Variants in CNRIP1 observed in about 807,000 individuals in gnomAD.
CNRIP1 encodes cannabinoid receptor interacting protein 1.
Under a neutral mutation model 15.2 loss-of-function variants are expected in CNRIP1, and 10 were observed. That is an observed-to-expected ratio of 0.66 (90% CI 0.41 to 1.12). CNRIP1 has a LOEUF of 1.12. CNRIP1 is among the 50% of genes most tolerant of loss of function. CNRIP1 has a pLI of 0.00. For synonymous variants in CNRIP1, 91 were observed against 83.2 expected, an observed-to-expected ratio of 1.09 and a Z score of -0.51; for missense variants, 211 against 214.7, an observed-to-expected ratio of 0.98 and a Z score of 0.11.
At position 68,317,142 on chromosome 2, in the gene CNRIP1, G is replaced by A. The variant is rs754890656; in HGVS notation, c.330+15C>T. 4.8e-5 allele frequency: 78 copies of A among 1,613,880 alleles called. No homozygotes were observed. The highest frequency in any genetic ancestry group is 5.3e-5 in the Non-Finnish European group (62 of 1,179,952). ...TCCATGGCACCATACTCCTATACCC[G>A]CAAGCAAGCCTTACCGGCATGGTGA... is the stretch of plus-strand genomic sequence containing the variant. On this transcript the variant is annotated intron_variant, in intron 2 of 2. Coordinates refer to ENST00000263655, the MANE Select transcript of CNRIP1 (RefSeq NM_015463.3).
chr2:68,290,932 A>C (rs1260696122), downstream of CNRIP1, among the ~76,000 whole-genome samples: 1 of 152,178 alleles, frequency 6.6e-6, no homozygotes, highest in Non-Finnish European at 1.5e-5. Flanking sequence ...CTAGTTCCTC[A>C]AGCTTCTGGG....
chr2:68,296,751 C>T (rs887762823), intron 2 of CNRIP1, among the ~76,000 whole-genome samples: 1 of 152,138 alleles, frequency 6.6e-6, no homozygotes, highest in Non-Finnish European at 1.5e-5. Context: ...AATTCTCCTG[C>T]CTCAGCCTCC....
At chr2:68,290,056 G>A (rs1671125469), downstream of CNRIP1, among the ~76,000 whole-genome samples, 1 of 127,394 alleles carries the variant, frequency 7.8e-6, no homozygotes, top group Non-Finnish European at 1.6e-5. Flanking sequence ...TTGAGAAGGA[G>A]TCTCCTCTGA....
At chr2:68,288,000 G>T (rs1671072587) in intron 2 of CNRIP1, among the ~76,000 whole-genome samples, 1 of 152,064 alleles carries the variant, frequency 6.6e-6, no homozygotes, top group East Asian at 1.9e-4. Context: ...TTTAAAGGGA[G>T]CAGGAGAACT....
chr2:68,301,893 C>CAA (rs61613452), intron 2 of CNRIP1, among the ~76,000 whole-genome samples: 24,505 of 73,808 alleles, frequency 0.33, 5,204 homozygotes, highest in East Asian at 0.66. Flanking sequence ...GTCTCCGTCT[C>CAA]AAAAAAAAAA....
At chr2:68,310,402 A>G (rs1672031678) in intron 2 of CNRIP1, among the ~76,000 whole-genome samples, 1 of 152,192 alleles carries the variant, frequency 6.6e-6, no homozygotes, top group African/African-American at 2.4e-5. Flanking sequence ...GTATATCCAA[A>G]AATCTCAGTA....
chr2:68,306,729 C>T (rs972346906), intron 2 of CNRIP1, among the ~76,000 whole-genome samples: 5 of 150,944 alleles, frequency 3.3e-5, no homozygotes, highest in East Asian at 1.9e-4. Context: ...TGCAGTGAGC[C>T]GAGATTGCAC....
intron 2 of CNRIP1, among the ~76,000 whole-genome samples, chr2:68,294,505 T>A (rs953909583): frequency 6.6e-6 from 1 of 152,026 alleles, no homozygotes; most frequent in South Asian, 2.1e-4. Context: ...CAAACCCCCA[T>A]GTTCATCCCC....
intron 2 of CNRIP1, among the ~76,000 whole-genome samples, chr2:68,314,057 C>G (rs781249485): frequency 5.3e-5 from 8 of 152,032 alleles, no homozygotes; most frequent in Non-Finnish European, 8.8e-5. Context: ...AAAACCATCC[C>G]GCAAATCTTG....
intron 2 of CNRIP1, among the ~76,000 whole-genome samples, chr2:68,286,542 GCTC>G (rs147407576): frequency 3.9e-3 from 587 of 152,308 alleles, no homozygotes; most frequent in African/African-American, 0.014. Context: ...AATTCACAAT[GCTC>G]CTTTGTTTAG....
chr2:68,301,855 G>A (rs1241991283), intron 2 of CNRIP1, among the ~76,000 whole-genome samples: 1 of 126,798 alleles, frequency 7.9e-6, no homozygotes, highest in South Asian at 2.5e-4. Flanking sequence ...TTGCGCCACT[G>A]CACTCCAGAG....
chr2:68,286,186 C>T (rs1376719226), intron 2 of CNRIP1, among the ~76,000 whole-genome samples: 2 of 152,030 alleles, frequency 1.3e-5, no homozygotes, highest in Admixed American at 6.6e-5. Context: ...CATTATTTTT[C>T]GACTAACAAT....
intron 2 of CNRIP1, among the ~76,000 whole-genome samples, chr2:68,306,778 TAAAAAAAA>T (rs143458691): frequency 7.2e-6 from 1 of 139,326 alleles, no homozygotes; most frequent in Non-Finnish European, 1.6e-5. Flanking sequence ...AAGACTCCAT[TAAAAAAAA>T]AAAAAAAAAT....
chr2:68,298,241 C>A (rs764319644), intron 2 of CNRIP1, among the ~76,000 whole-genome samples: 5 of 151,966 alleles, frequency 3.3e-5, no homozygotes, highest in East Asian at 1.9e-4. Flanking sequence ...TTAAGTGCAA[C>A]TGAATTTTAC....
intron 2 of CNRIP1, among the ~76,000 whole-genome samples, chr2:68,296,800 G>C (rs1350892854): frequency 6.6e-6 from 1 of 152,014 alleles, no homozygotes; most frequent in Non-Finnish European, 1.5e-5. Context: ...ACTACGCCTG[G>C]CTAATTTTTT....
intron 2 of CNRIP1, among the ~76,000 whole-genome samples, chr2:68,296,276 A>T (rs1457673325): frequency 6.6e-6 from 1 of 152,244 alleles, no homozygotes. Context: ...AAACTTGGCT[A>T]GGTGCAGCAG....
At chr2:68,311,283 T>C (rs1260034589) in intron 2 of CNRIP1, among the ~76,000 whole-genome samples, 1 of 152,044 alleles carries the variant, frequency 6.6e-6, no homozygotes, top group Non-Finnish European at 1.5e-5. Context: ...CATTTTACTG[T>C]ATATGTATTA....
At chr2:68,306,442 C>T (rs538599478) in intron 2 of CNRIP1, among the ~76,000 whole-genome samples, 3 of 152,174 alleles carry the variant, frequency 2.0e-5, no homozygotes, top group South Asian at 2.1e-4. Flanking sequence ...GTGTATTCCA[C>T]TATCTAATCT....
chr2:68,314,772 T>G (rs1274425551), intron 2 of CNRIP1, among the ~76,000 whole-genome samples: 3 of 152,070 alleles, frequency 2.0e-5, no homozygotes, highest in African/African-American at 7.2e-5. Flanking sequence ...ATAAGAAATT[T>G]CTATGAAACT....
Sources: allele counts gnomAD v4.1 joint callset (sites outside exome capture counted in the v4.1 genomes callset), GRCh38; gene constraint gnomAD v4.1.1; transcripts MANE v1.5; gene names NCBI Gene and HGNC (gene_info 2026-07-23, HGNC 2026-07-21).